PTPN1: variants seen among roughly 807,000 people sequenced by gnomAD.
The protein encoded by PTPN1 is protein tyrosine phosphatase non-receptor type 1.
A neutral mutation model predicts 59.9 loss-of-function variants in PTPN1; 12 were observed. The observed-to-expected ratio is 0.20, with a 90% CI of 0.13 to 0.32. The LOEUF (loss-of-function observed/expected upper bound fraction) is 0.32, where lower values mean the gene tolerates loss of function less well. Ranked by LOEUF, PTPN1 falls within the 10% of genes least tolerant of loss-of-function variation. PTPN1 has a pLI of 1.00. For synonymous variants in PTPN1, 178 were observed against 203.6 expected, an observed-to-expected ratio of 0.87 and a Z score of 1.07; for missense variants, 356 against 549.2, an observed-to-expected ratio of 0.65 and a Z score of 3.52.
chr20:50,512,882 T>C (rs1175580191), intron 1 of PTPN1, among the ~76,000 whole-genome samples: 1 of 152,216 alleles, frequency 6.6e-6, no homozygotes, highest in Middle Eastern at 3.2e-3. Context: ...TTTAAAAAAA[T>C]TAATACTTTA....
intron 1 of PTPN1, among the ~76,000 whole-genome samples, chr20:50,555,097 G>A (rs1463591856): frequency 6.6e-6 from 1 of 152,104 alleles, no homozygotes; most frequent in African/African-American, 2.4e-5. Context: ...TCCAAAGTAA[G>A]AAGAAAGGAA....
At chr20:50,525,163 G>A (rs927624258) in intron 1 of PTPN1, among the ~76,000 whole-genome samples, 35 of 152,084 alleles carry the variant, frequency 2.3e-4, no homozygotes, top group African/African-American at 7.5e-4. Context: ...AGGTTCAAGC[G>A]ATTCTCCTGC....
chr20:50,518,094 CT>C (rs1375943035), intron 1 of PTPN1, among the ~76,000 whole-genome samples: 1 of 152,182 alleles, frequency 6.6e-6, no homozygotes, highest in Non-Finnish European at 1.5e-5. Flanking sequence ...CGTTTTTCGA[CT>C]TTTTTCCTTT....
intron 1 of PTPN1, among the ~76,000 whole-genome samples, chr20:50,555,888 T>C (rs528511299): frequency 6.6e-6 from 1 of 152,328 alleles, no homozygotes; most frequent in African/African-American, 2.4e-5. Context: ...CTGTATCAGA[T>C]ATTTCTTACA....
chr20:50,553,900 A>G (rs1315764876), intron 1 of PTPN1, among the ~76,000 whole-genome samples: 1 of 152,196 alleles, frequency 6.6e-6, no homozygotes, highest in Non-Finnish European at 1.5e-5. Context: ...AAAAAACAGC[A>G]TCTATATGAG....
chr20:50,566,044 G>A (rs927124784), intron 3 of PTPN1, among the ~76,000 whole-genome samples: 1 of 152,144 alleles, frequency 6.6e-6, no homozygotes. Flanking sequence ...CTGGGATGCA[G>A]AGCATCAGCC....
rs764474360 is a variant in PTPN1 at position 50,524,569 on chromosome 20, C to CTTTTTTTTTTTTTTTTTTTTTTTTTTT, written c.63+14004_63+14005insTTTTTTTTTTTTTTTTTTTTTTTTTTT. ...TGGCTGGTTTATCCCATTATGTGGT[C>CTTTTTTTTTTTTTTTTTTTTTTTTTTT]TTTTTTTTTTTTTTTTTTTTTTTTT... On this transcript the variant is annotated intron_variant, in intron 1 of 9. Coordinates refer to ENST00000371621, the MANE Select transcript of PTPN1 (RefSeq NM_002827.4). Among the ~76,000 whole-genome samples the CTTTTTTTTTTTTTTTTTTTTTTTTTTT allele has an allele frequency of 6.3e-4, 29 of 45,790 alleles. 7 individuals carry two copies. Among genetic ancestry groups the CTTTTTTTTTTTTTTTTTTTTTTTTTTT allele is most frequent in the Middle Eastern group, 0.023 (1 of 44 alleles). 30.0% of individuals were successfully genotyped at this position (45,790 alleles called of 152,430 possible).
chr20:50,527,618 C>G (rs2082582993), intron 1 of PTPN1, among the ~76,000 whole-genome samples: 2 of 152,160 alleles, frequency 1.3e-5, no homozygotes, highest in African/African-American at 4.8e-5. Context: ...GTCAGCCTCC[C>G]AAAGTGCTGA....
At chr20:50,517,951 T>G (rs2082536096) in intron 1 of PTPN1, among the ~76,000 whole-genome samples, 1 of 152,218 alleles carries the variant, frequency 6.6e-6, no homozygotes, top group Admixed American at 6.5e-5. Context: ...CGGCTGTGTT[T>G]GTGGCTTTTG....
intron 1 of PTPN1, among the ~76,000 whole-genome samples, chr20:50,539,026 C>CTTTTTTTTT (rs71190576): frequency 2.3e-5 from 2 of 85,294 alleles, no homozygotes; most frequent in Non-Finnish European, 4.5e-5. Flanking sequence ...CTTCTCAATT[C>CTTTTTTTTT]TTTTTTTTTT....
intron 1 of PTPN1, among the ~76,000 whole-genome samples, chr20:50,560,175 G>A (rs945107113): frequency 2.0e-5 from 3 of 152,000 alleles, no homozygotes; most frequent in Admixed American, 6.6e-5. Flanking sequence ...AAAAGGACTC[G>A]AGTTCCTGGT....
intron 1 of PTPN1, among the ~76,000 whole-genome samples, chr20:50,536,641 T>G (rs1168698081): frequency 1.3e-5 from 2 of 152,238 alleles, no homozygotes; most frequent in Non-Finnish European, 2.9e-5. Context: ...TACCATTTCC[T>G]TAAGTTAATG....
intron 1 of PTPN1, among the ~76,000 whole-genome samples, chr20:50,533,237 C>A (rs776440731): frequency 1.3e-5 from 2 of 152,124 alleles, no homozygotes; most frequent in Non-Finnish European, 2.9e-5. Flanking sequence ...AAACCATACA[C>A]GCATTTCCAT....
intron 1 of PTPN1, among the ~76,000 whole-genome samples, chr20:50,527,018 C>A (rs2082579225): frequency 6.6e-6 from 1 of 152,212 alleles, no homozygotes; most frequent in African/African-American, 2.4e-5. Context: ...CACCTCATTT[C>A]TCTCACAGGG....
chr20:50,543,225 A>G (rs1482943847), intron 1 of PTPN1, among the ~76,000 whole-genome samples: 1 of 152,198 alleles, frequency 6.6e-6, no homozygotes, highest in Non-Finnish European at 1.5e-5. Flanking sequence ...GAAGGGGGAA[A>G]TGTTTATACC....
At chr20:50,556,683 C>T (rs1011011191) in intron 1 of PTPN1, among the ~76,000 whole-genome samples, 5 of 152,248 alleles carry the variant, frequency 3.3e-5, no homozygotes, top group African/African-American at 7.2e-5. Flanking sequence ...GGCTGGGTGT[C>T]GTGGCTCACA....
chr20:50,571,285 A>G (rs551118032), intron 4 of PTPN1: 2 of 152,364 alleles, frequency 1.3e-5, no homozygotes, highest in East Asian at 3.9e-4. Flanking sequence ...GTTTACTGTG[A>G]TAACTGTGCC....
intron 1 of PTPN1, among the ~76,000 whole-genome samples, chr20:50,543,728 C>A (rs971313382): frequency 6.6e-6 from 1 of 151,918 alleles, no homozygotes; most frequent in African/African-American, 2.4e-5. Flanking sequence ...ATGTTAAATG[C>A]TTTTTTTAAA....
intron 1 of PTPN1, among the ~76,000 whole-genome samples, chr20:50,548,377 C>T (rs1042560021): frequency 1.3e-5 from 2 of 151,792 alleles, no homozygotes; most frequent in Non-Finnish European, 2.9e-5. Context: ...TTTTTATACA[C>T]GATTCCTTCA....
Sources: gnomAD v4.1 joint callset for allele counts (sites outside exome capture counted in the v4.1 genomes callset) on GRCh38, gnomAD v4.1.1 for gene constraint, MANE v1.5 for transcripts, NCBI Gene and HGNC (gene_info 2026-07-23, HGNC 2026-07-21) for gene names.